SLC25A48: variants seen among roughly 807,000 people sequenced by gnomAD.
SLC25A48 encodes the protein solute carrier family 25 member 48.
Under a neutral mutation model 32.2 loss-of-function variants are expected in SLC25A48, and 29 were observed. The observed-to-expected ratio is 0.90, with a 90% CI of 0.67 to 1.23. The LOEUF (loss-of-function observed/expected upper bound fraction) is 1.23, where lower values mean the gene tolerates loss of function less well. SLC25A48 is among the 50% of genes most tolerant of loss of function. The pLI is 0.00. For missense variants in SLC25A48, 399 were observed against 422.7 expected (o/e 0.94, Z 0.49); for synonymous variants, 164 against 172.3 (o/e 0.95, Z 0.38).
At chr5:135,616,293 A>G (rs1752190623) in intron 1 of SLC25A48, among the ~76,000 whole-genome samples, 1 of 152,108 alleles carries the variant, frequency 6.6e-6, no homozygotes, top group Non-Finnish European at 1.5e-5. Context: ...TGTACCGTGC[A>G]CCTGGAAAAG....
chr5:135,810,568 C>T (rs1229814020), intron 3 of SLC25A48, among the ~76,000 whole-genome samples: 1 of 152,202 alleles, frequency 6.6e-6, no homozygotes, highest in Non-Finnish European at 1.5e-5. Flanking sequence ...GTATCTATTA[C>T]ATGCAGCCAA....
At chr5:135,842,243 T>A (rs1759063893) in intron 1 of SLC25A48, among the ~76,000 whole-genome samples, 173 bp from the exon 2 acceptor site, 2 of 152,178 alleles carry the variant, frequency 1.3e-5, no homozygotes, top group African/African-American at 4.8e-5. Flanking sequence ...TACTCTATTT[T>A]CTCTGCCTTC....
At chr5:135,645,164 A>T (rs904801909) in intron 3 of SLC25A48, among the ~76,000 whole-genome samples, 1 of 152,198 alleles carries the variant, frequency 6.6e-6, no homozygotes, top group Non-Finnish European at 1.5e-5. Context: ...GGACTTGTGG[A>T]CAGTTTTCCC....
At chr5:135,726,929 A>G (rs1755103441) in intron 3 of SLC25A48, among the ~76,000 whole-genome samples, 3 of 152,272 alleles carry the variant, frequency 2.0e-5, no homozygotes, top group South Asian at 4.1e-4. Flanking sequence ...CCAGCAATGT[A>G]TGAGTGATCC....
At chr5:135,816,250 T>G (rs1157193009) in intron 4 of SLC25A48, among the ~76,000 whole-genome samples, 1 of 152,150 alleles carries the variant, frequency 6.6e-6, no homozygotes, top group East Asian at 1.9e-4. Context: ...TAGATTTGGG[T>G]GGGGACACAG....
chr5:135,652,358 C>T (rs996823777), intron 3 of SLC25A48: 4 of 455,856 alleles, frequency 8.8e-6, no homozygotes, highest in Middle Eastern at 3.2e-4. Context: ...GACTTACCTT[C>T]TTTGCACATA....
At chr5:135,800,744 A>G (rs1253635746) in intron 3 of SLC25A48, among the ~76,000 whole-genome samples, 1 of 151,816 alleles carries the variant, frequency 6.6e-6, no homozygotes, top group Non-Finnish European at 1.5e-5. Context: ...TACTCCTGAT[A>G]TCACGGGGTG....
chr5:135,826,864 G>T (rs1758072330), intron 4 of SLC25A48: 1 of 152,244 alleles, frequency 6.6e-6, no homozygotes, highest in Non-Finnish European at 1.5e-5. Context: ...TCTATGCATA[G>T]CAAGAAATGA....
At chr5:135,590,421 C>G (rs1320496134) in intron 1 of SLC25A48, among the ~76,000 whole-genome samples, 2 of 152,224 alleles carry the variant, frequency 1.3e-5, no homozygotes, top group African/African-American at 4.8e-5. Flanking sequence ...CCTGAGAGCT[C>G]TGCATGGTCC....
chr5:135,682,334 A>G (rs964205454), intron 3 of SLC25A48, among the ~76,000 whole-genome samples: 3 of 152,098 alleles, frequency 2.0e-5, no homozygotes, highest in Admixed American at 2.0e-4. Context: ...AGGAGGGTCA[A>G]TCTAATTCCT....
chr5:135,835,333 G>A (rs1758409316), intron 1 of SLC25A48, among the ~76,000 whole-genome samples: 1 of 151,094 alleles, frequency 6.6e-6, no homozygotes, highest in African/African-American at 2.4e-5. Context: ...TCGAGATTAG[G>A]CCGGCCCAAC....
At chr5:135,693,565 G>A (rs1238912636) in intron 3 of SLC25A48, among the ~76,000 whole-genome samples, 2 of 152,212 alleles carry the variant, frequency 1.3e-5, no homozygotes. Context: ...CTTCTCCTGT[G>A]CTCAGGGCAG....
intron 3 of SLC25A48, among the ~76,000 whole-genome samples, chr5:135,754,285 G>A (rs991493635): frequency 3.9e-5 from 5 of 127,262 alleles, no homozygotes; most frequent in Admixed American, 7.9e-5. Flanking sequence ...ATCATAGTGC[G>A]TTGACACTAC....
chr5:135,785,898 G>A (rs1756834313), intron 3 of SLC25A48, among the ~76,000 whole-genome samples: 1 of 151,832 alleles, frequency 6.6e-6, no homozygotes, highest in African/African-American at 2.4e-5. Flanking sequence ...TCACCATGGG[G>A]CGGGGTGTAG....
chr5:135,655,661 G>T (rs986566534), intron 3 of SLC25A48, among the ~76,000 whole-genome samples: 1 of 152,200 alleles, frequency 6.6e-6, no homozygotes, highest in Non-Finnish European at 1.5e-5. Flanking sequence ...TGCAGGGCTG[G>T]CTTTGTGGCC....
At chr5:135,658,076 C>T (rs977157806) in intron 3 of SLC25A48, among the ~76,000 whole-genome samples, 1 of 152,198 alleles carries the variant, frequency 6.6e-6, no homozygotes, top group African/African-American at 2.4e-5. Flanking sequence ...CACAGTCATG[C>T]CTTCCCAGCA....
chr5:135,863,027 G>T (rs1203373065), intron 4 of SLC25A48, among the ~76,000 whole-genome samples: 2 of 152,122 alleles, frequency 1.3e-5, no homozygotes, highest in Non-Finnish European at 2.9e-5. Flanking sequence ...TGGGTAGATT[G>T]ATTTGAAGGC....
chr5:135,735,765 G>A (rs904412810), intron 3 of SLC25A48, among the ~76,000 whole-genome samples: 1 of 152,128 alleles, frequency 6.6e-6, no homozygotes, highest in Non-Finnish European at 1.5e-5. Context: ...TGACATTTAA[G>A]TCACTCCAGG....
intron 1 of SLC25A48, among the ~76,000 whole-genome samples, chr5:135,613,313 T>C (rs1335742345): frequency 6.6e-6 from 1 of 152,226 alleles, no homozygotes; most frequent in Non-Finnish European, 1.5e-5. Flanking sequence ...GAGTTTCTTG[T>C]ATATTGTAGA....
Sources: gnomAD v4.1 joint callset for allele counts (sites outside exome capture counted in the v4.1 genomes callset) on GRCh38, gnomAD v4.1.1 for gene constraint, MANE v1.5 for transcripts, NCBI Gene and HGNC (gene_info 2026-07-23, HGNC 2026-07-21) for gene names.